CEP44: variants seen among roughly 807,000 people sequenced by gnomAD.
The protein encoded by CEP44 is centrosomal protein of 44 kDa.
A neutral mutation model predicts 46.7 loss-of-function variants in CEP44; 45 were observed. The ratio of observed to expected loss-of-function variants is 0.96; its 90% confidence interval spans 0.76 to 1.24. The LOEUF is 1.24. Ranked by LOEUF, CEP44 falls within the 50% of genes most tolerant of loss-of-function variation. CEP44 has a pLI of 0.00. For synonymous variants in CEP44, 142 were observed against 146.0 expected (o/e 0.97, Z 0.20); for missense variants, 475 against 459.7 (o/e 1.03, Z -0.30).
In CEP44 at chr4:174,310,245, T is replaced by C. The variant is rs1740928119; in HGVS notation, c.885+189T>C. Among the ~76,000 whole-genome samples, 1 of 151,996 alleles carries C rather than the reference T, an allele frequency of 6.6e-6. No individual in the cohort carries two copies. Among genetic ancestry groups the C allele is most frequent in the Non-Finnish European group, 1.5e-5 (1 of 67,902 alleles). On this transcript the variant is annotated intron_variant, in intron 8 of 11. Coordinates refer to ENST00000503780, the MANE Select transcript of CEP44 (RefSeq NM_001040157.3). This position sits in a 1 kb window ranked among gnomAD's most constrained non-coding sequence, Gnocchi z 4.2. The stretch of plus-strand genomic sequence containing the variant: ...TTGTGGCTGTTGTTTCTCTCTTCAT[T>C]GAATAAGATAATCTGAAAAACTTGT...
intron 9 of CEP44, among the ~76,000 whole-genome samples, chr4:174,315,734 G>C (rs960705909): frequency 6.6e-6 from 1 of 151,476 alleles, no homozygotes; most frequent in Admixed American, 6.6e-5. Flanking sequence ...CCAGCTACTC[G>C]GGAGGCTGAG....
intron 1 of CEP44, among the ~76,000 whole-genome samples, chr4:174,285,950 T>G (rs998926112): frequency 7.9e-5 from 12 of 152,216 alleles, no homozygotes; most frequent in African/African-American, 2.4e-4. Flanking sequence ...TGGCCAGTGT[T>G]TTGTATAATG....
intron 1 of CEP44, among the ~76,000 whole-genome samples, chr4:174,285,981 CTT>C (rs1199180822): frequency 6.6e-6 from 1 of 152,120 alleles, no homozygotes; most frequent in Admixed American, 6.5e-5. Context: ...ATGACTTTCT[CTT>C]TTTCTAGTTA....
intron 6 of CEP44, 120 bp from the exon 7 acceptor site, chr4:174,308,569 A>T: frequency 1.1e-6 from 1 of 891,368 alleles, no homozygotes; most frequent in Non-Finnish European, 1.7e-6. Flanking sequence ...ACAAACCCCC[A>T]TGGCACACAT....
At position 174,288,466 on chromosome 4, in the gene CEP44, A is replaced by G. The variant is rs1039028806; in HGVS notation, c.-148+4523A>G. On this transcript the variant is annotated intron_variant, in intron 1 of 11. Transcript: ENST00000503780. The surrounding 1 kb of genome is among the most constrained non-coding windows in gnomAD (Gnocchi z 4.6). Reference sequence around the variant, plus strand: ...CATGTTCCCTTACAACCACCATTCTATTCTCTGCTTGCATGTATTTGACTA... The same window carrying G: ...CATGTTCCCTTACAACCACCATTCTGTTCTCTGCTTGCATGTATTTGACTA... 6.6e-6 allele frequency among the ~76,000 whole-genome samples: 1 copy of G among 152,026 alleles called. No homozygotes were observed. Among genetic ancestry groups the G allele is most frequent in the Non-Finnish European group, 1.5e-5 (1 of 67,988 alleles).
In CEP44 at chr4:174,317,482, T is replaced by C; in HGVS notation, c.*99T>C. 1 of 1,245,106 alleles carries C rather than the reference T, an allele frequency of 8.0e-7. No individual in the cohort carries two copies. The highest frequency in any genetic ancestry group is 1.0e-6 in the Non-Finnish European group (1 of 976,394). The allele number at this position is 1,245,106 out of a possible 1,614,324, so 77.1% of individuals were successfully genotyped here. A position where few individuals can be genotyped will look rare whatever the true frequency, so the allele number is the denominator to read the frequency against. On this transcript the variant is annotated 3_prime_UTR_variant, in exon 12 of 12. Transcript: ENST00000503780. ...ATTTTAATATACTGCAATACTGCAG[T>C]TTTTGACAATTTGGATTCCATTTGG...
In CEP44 at chr4:174,331,107, T is replaced by A. The variant is rs1270204320; in HGVS notation, c.1087-375T>A. The stretch of plus-strand genomic sequence containing the variant: ...TTCTATAGGAATTGTTGTTTAAGTG[T>A]ATGCTCATCACAATGGAGTATTTTC... On this transcript the variant is annotated intron_variant, in intron 8 of 8. Coordinates refer to the CEP44 transcript ENST00000426172. This position sits in a 1 kb window ranked among gnomAD's most constrained non-coding sequence, Gnocchi z 4.5. 6.6e-6 allele frequency among the ~76,000 whole-genome samples: 1 copy of A among 152,168 alleles called. No homozygotes were observed. The highest frequency in any genetic ancestry group is 1.5e-5 in the Non-Finnish European group (1 of 68,024).
At chr4:174,307,727 A>T (rs1740593636) in intron 6 of CEP44, among the ~76,000 whole-genome samples, 1 of 151,860 alleles carries the variant, frequency 6.6e-6, no homozygotes, top group African/African-American at 2.4e-5. Flanking sequence ...CAAAGGCCTA[A>T]TATCTAGCAT....
At chr4:174,327,403 G>T (rs1003680264) in intron 8 of CEP44, among the ~76,000 whole-genome samples, 1 of 151,708 alleles carries the variant, frequency 6.6e-6, no homozygotes, top group African/African-American at 2.4e-5. Context: ...TTTAATTCAA[G>T]TAATCTCAAA....
chr4:174,313,004 T>C (rs1741255941), intron 9 of CEP44, among the ~76,000 whole-genome samples: 1 of 152,026 alleles, frequency 6.6e-6, no homozygotes, highest in Non-Finnish European at 1.5e-5. Flanking sequence ...TTGGATAATT[T>C]TGGAGAGGGT....
At chr4:174,327,201 AG>A (rs1742727717) in intron 8 of CEP44, among the ~76,000 whole-genome samples, 1 of 150,520 alleles carries the variant, frequency 6.6e-6, no homozygotes, top group East Asian at 1.9e-4. Flanking sequence ...AGAGAGAGAG[AG>A]AGAGAAAAAA....
chr4:174,316,490 T>C lies in CEP44; in HGVS notation c.1087-40T>C, dbSNP rs373726860. On this transcript the variant is annotated intron_variant, in intron 10 of 11. Coordinates refer to ENST00000503780, the MANE Select transcript of CEP44 (RefSeq NM_001040157.3). ...CGGTCCATCTTTGATGATGGTTTAC[T>C]TTGAGAAATCATCTAAATTTGTTGC... 21 of 1,533,586 alleles carry C rather than the reference T, an allele frequency of 1.4e-5. No homozygotes were observed. The East Asian group carries it at 2.7e-4, about 20-fold the overall frequency. The allele number at this position is 1,533,586 out of a possible 1,614,324, so 95.0% of individuals were successfully genotyped here.
chr4:174,303,883 T>C, intron 5 of CEP44, 34 bp downstream of exon 5: 1 of 1,371,334 alleles, frequency 7.3e-7, no homozygotes. Flanking sequence ...TGCTGATGTA[T>C]GCTATTAATA....
At chr4:174,300,343 G>A (rs1739571145) in intron 3 of CEP44, among the ~76,000 whole-genome samples, 1 of 152,074 alleles carries the variant, frequency 6.6e-6, no homozygotes, top group African/African-American at 2.4e-5. Flanking sequence ...TGAAACAGAT[G>A]TAATCCATGT....
chr4:174,331,647 T>G lies in CEP44; in HGVS notation c.*52T>G. 1 of 1,524,122 alleles carries G rather than the reference T, an allele frequency of 6.6e-7. No homozygotes were observed. The allele number at this position is 1,524,122 out of a possible 1,614,324, so 94.4% of individuals were successfully genotyped here. ...CCTTTTCCTGCTGTACTCTGATGTT[T>G]CAGTGAAGCTCATCCACGAAGTCCA... On this transcript the variant is annotated 3_prime_UTR_variant, in exon 9 of 9. Coordinates refer to the CEP44 transcript ENST00000426172. The surrounding 1 kb of genome is among the most constrained non-coding windows in gnomAD (Gnocchi z 4.5).
chr4:174,331,795 T>G lies in CEP44; in HGVS notation c.*200T>G. ...TTAGTTGTTTGTCTAATTTCTATTT[T>G]CCAGAAATTTCTCAAAATGTCTGCT... On this transcript the variant is annotated 3_prime_UTR_variant, in exon 9 of 9. Coordinates refer to the CEP44 transcript ENST00000426172. This position sits in a 1 kb window ranked among gnomAD's most constrained non-coding sequence, Gnocchi z 4.5. The G allele has an allele frequency of 1.7e-6, 1 of 598,146 alleles. No individual in the cohort carries two copies. 37.1% of individuals were successfully genotyped at this position (598,146 alleles called of 1,614,324 possible).
rs370951061 is a variant in CEP44 at position 174,316,466 on chromosome 4, G to A, written c.1087-64G>A. 2.3e-5 allele frequency: 33 copies of A among 1,438,944 alleles called. No individual in the cohort carries two copies. In the South Asian group the frequency reaches 2.6e-4, roughly 11 times the overall value. The allele number at this position is 1,438,944 out of a possible 1,614,324, so 89.1% of individuals were successfully genotyped here. The stretch of plus-strand genomic sequence containing the variant: ...TTCAAACTGTGTTTTGTACATTCTC[G>A]GTCCATCTTTGATGATGGTTTACTT... On this transcript the variant is annotated intron_variant, in intron 10 of 11. Coordinates refer to ENST00000503780, the MANE Select transcript of CEP44 (RefSeq NM_001040157.3).
Position 174,319,487 on chromosome 4 carries a change from T to G in CEP44, c.*2104T>G. The G allele has an allele frequency of 1.1e-6, 1 of 945,822 alleles. No homozygotes were observed. Among genetic ancestry groups the G allele is most frequent in the Non-Finnish European group, 1.3e-6 (1 of 794,062 alleles). 58.6% of individuals were successfully genotyped at this position (945,822 alleles called of 1,614,324 possible). ...AAAAAGAAACATTTTTGAAGTTTTC[T>G]TATGGAAGATAGAAAAAAAGTTAAG... On this transcript the variant is annotated 3_prime_UTR_variant, in exon 12 of 12. Coordinates refer to ENST00000503780, the MANE Select transcript of CEP44 (RefSeq NM_001040157.3).
In CEP44 at chr4:174,329,157, C is replaced by T. The variant is rs1731177870; in HGVS notation, c.1087-2325C>T. ...TCGGATTTGGGATCTCACTATGCTG[C>T]CCAGGCTAGTCTCAGACTCCTGGCC... is the stretch of plus-strand genomic sequence containing the variant. On this transcript the variant is annotated intron_variant, in intron 8 of 8. Coordinates refer to the CEP44 transcript ENST00000426172. This position sits in a 1 kb window ranked among gnomAD's most constrained non-coding sequence, Gnocchi z 4.0. Among the ~76,000 whole-genome samples the T allele has an allele frequency of 6.6e-6, 1 of 152,008 alleles. No individual in the cohort carries two copies. Among genetic ancestry groups the T allele is most frequent in the South Asian group, 2.1e-4 (1 of 4,828 alleles).
Sources: gnomAD v4.1 joint callset for allele counts (sites outside exome capture counted in the v4.1 genomes callset) on GRCh38, gnomAD v4.1.1 for gene constraint, Gnocchi (gnomAD v3.1) non-coding constraint, MANE v1.5 for transcripts, NCBI Gene and HGNC (gene_info 2026-07-23, HGNC 2026-07-21) for gene names.